Variants in PXN observed in about 807,000 individuals in gnomAD.
PXN encodes paxillin.
PXN carries 61 observed loss-of-function variants against 103.6 expected under a neutral mutation model. The observed-to-expected ratio is 0.59, with a 90% CI of 0.48 to 0.73. The LOEUF (loss-of-function observed/expected upper bound fraction) is 0.73, where lower values mean the gene tolerates loss of function less well. PXN is among the 30% of genes least tolerant of loss of function. The pLI, the probability that PXN is intolerant of heterozygous loss-of-function variation, is 0.00. For missense variants in PXN, 1,274 were observed against 1,460.3 expected, an observed-to-expected ratio of 0.87 and a Z score of 2.08; for synonymous variants, 562 against 607.8, an observed-to-expected ratio of 0.92 and a Z score of 1.11.
At chr12:120,260,270 G>A (rs866007168) in intron 1 of PXN, among the ~76,000 whole-genome samples, 2 of 152,224 alleles carry the variant, frequency 1.3e-5, no homozygotes, top group African/African-American at 4.8e-5. Context: ...AACACTTTGG[G>A]AGGCCGAGGC....
chr12:120,230,951 A>G (rs986664639), intron 1 of PXN, among the ~76,000 whole-genome samples: 1 of 152,204 alleles, frequency 6.6e-6, no homozygotes, highest in African/African-American at 2.4e-5. Flanking sequence ...TAAGCTCCAG[A>G]GAGCAGGGGC....
At chr12:120,255,734 A>C (rs1243400760) in intron 1 of PXN, among the ~76,000 whole-genome samples, 2 of 151,934 alleles carry the variant, frequency 1.3e-5, no homozygotes, top group Non-Finnish European at 2.9e-5. Flanking sequence ...TAAAATAAAA[A>C]GGAGCAAAGT....
Position 120,212,064 on chromosome 12 carries a change from C to T in PXN, c.*250G>A. 1 of 723,972 alleles carries T rather than the reference C, an allele frequency of 1.4e-6. No individual in the cohort carries two copies. 44.8% of individuals were successfully genotyped at this position (723,972 alleles called of 1,614,324 possible). A position where few individuals can be genotyped will look rare whatever the true frequency, so the allele number is the denominator to read the frequency against. On this transcript the variant is annotated 3_prime_UTR_variant, in exon 15 of 15. Coordinates refer to ENST00000637617, the MANE Select transcript of PXN (RefSeq NM_001385981.1). The surrounding 1 kb of genome is among the most constrained non-coding windows in gnomAD (Gnocchi z 7.2). ...GCTGGGGTGGAGCCCCCAGCCTCTACCCCTGGGGAGGATGGAGAGTGGGCA... is the reference window on the plus strand; with the variant it reads ...GCTGGGGTGGAGCCCCCAGCCTCTATCCCTGGGGAGGATGGAGAGTGGGCA...
chr12:120,214,853 C>T lies in PXN; in HGVS notation c.2720G>A (p.Cys907Tyr). 6.2e-7 allele frequency: 1 copy of T among 1,613,996 alleles called. No individual in the cohort carries two copies. Reference sequence around the variant, plus strand: ...CAGGATGGGGCCGTTGCAGTAGTAGCAGCGCGGGGAGAAGAGGTTGTGGTA... The same window carrying T: ...CAGGATGGGGCCGTTGCAGTAGTAGTAGCGCGGGGAGAAGAGGTTGTGGTA... Reference protein sequence around the residue: ...KDYHNLFSPRCYYCNGPILDK... With the variant: ...KDYHNLFSPRYYYCNGPILDK... The change falls in exon 12 of 15, where the codon TGC (cysteine) becomes TAC (tyrosine). Residue 907 changes from cysteine (C) to tyrosine (Y), a missense_variant. Cys to Tyr is a radical substitution (Grantham distance 194). Around this residue, in one of 2 missense-constraint regions of PXN, gnomAD observed 1,178 missense variants for 1,309.0 expected, o/e 0.90. Transcript: ENST00000637617. The surrounding 1 kb of genome is among the most constrained non-coding windows in gnomAD (Gnocchi z 5.0).
Position 120,212,785 on chromosome 12 carries a change from A to G in PXN, c.2980-205T>C, listed in dbSNP as rs1880705778. ...TTTTTGTAGAGATGGGGGTCTCACTATATTGCCCATGCTGGTCAAATGTGG... is the reference window on the plus strand; with the variant it reads ...TTTTTGTAGAGATGGGGGTCTCACTGTATTGCCCATGCTGGTCAAATGTGG... On this transcript the variant is annotated intron_variant, in intron 14 of 14. Transcript: ENST00000637617. The surrounding 1 kb of genome is among the most constrained non-coding windows in gnomAD (Gnocchi z 7.2). The G allele has an allele frequency of 3.8e-6, 2 of 523,536 alleles. No individual in the cohort carries two copies. The highest frequency in any genetic ancestry group is 3.7e-5 in the Admixed American group (1 of 27,022). The allele number at this position is 523,536 out of a possible 1,614,324, so 32.4% of individuals were successfully genotyped here. A position where few individuals can be genotyped will look rare whatever the true frequency, so the allele number is the denominator to read the frequency against.
rs1566386440 is a variant in PXN at position 120,222,855 on chromosome 12, GGTCC to G, written c.493+4_493+7del. On this transcript the variant is annotated splice_donor_5th_base_variant and intron_variant, in intron 4 of 14. Transcript: ENST00000637617. This position sits in a 1 kb window ranked among gnomAD's most constrained non-coding sequence, Gnocchi z 4.7. ...CTGGTAGACCCTGCCCCAGGGACCC[GGTCC>G]TACCTGCAGGGAAGCCTGGCGGGTT... The G allele has an allele frequency of 1.9e-6, 3 of 1,613,062 alleles. No homozygotes were observed. The highest frequency in any genetic ancestry group is 2.5e-6 in the Non-Finnish European group (3 of 1,179,518).
At chr12:120,223,034 T>C in intron 3 of PXN, 35 bp from the exon 4 acceptor site, 1 of 1,613,764 alleles carries the variant, frequency 6.2e-7, no homozygotes, top group Non-Finnish European at 8.5e-7. Context: ...TAGTGAGAGA[T>C]GCTTTCTGGC....
rs745418839 is a variant in PXN, at chr12:120,222,791, C to T, written c.494-41G>A. The T allele has an allele frequency of 1.3e-5, 20 of 1,599,652 alleles. No homozygotes were observed. In the South Asian group the frequency reaches 2.2e-4, roughly 18 times the overall value. ...GAAAAAGGCTGCTCAGCCCTTGAGCCCTCCTGGGATCTAGAGGTCAGCAGA... is the reference window on the plus strand; with the variant it reads ...GAAAAAGGCTGCTCAGCCCTTGAGCTCTCCTGGGATCTAGAGGTCAGCAGA... On this transcript the variant is annotated intron_variant, in intron 4 of 14. Coordinates refer to ENST00000637617, the MANE Select transcript of PXN (RefSeq NM_001385981.1). This position sits in a 1 kb window ranked among gnomAD's most constrained non-coding sequence, Gnocchi z 4.7.
rs1002659318 is a variant in PXN at position 120,221,571 on chromosome 12, A to G, written c.831+52T>C. On this transcript the variant is annotated intron_variant, in intron 6 of 14. Coordinates refer to ENST00000637617, the MANE Select transcript of PXN (RefSeq NM_001385981.1). This position sits in a 1 kb window ranked among gnomAD's most constrained non-coding sequence, Gnocchi z 6.6. ...TACCCACACTGAGGTAAGGGAGGAG[A>G]AGGATGAGGGAGGGGCGGCAGGGCA... The G allele has an allele frequency of 7.9e-6, 12 of 1,520,300 alleles. No homozygotes were observed. The African/African-American group carries it at 1.4e-4, about 17-fold the overall frequency. 94.2% of individuals were successfully genotyped at this position (1,520,300 alleles called of 1,614,324 possible). A position where few individuals can be genotyped will look rare whatever the true frequency, so the allele number is the denominator to read the frequency against.
chr12:120,216,475 C>A lies in PXN; in HGVS notation c.2099G>T (p.Ser700Ile). 1 of 1,385,878 alleles carries A rather than the reference C, an allele frequency of 7.2e-7. No homozygotes were observed. Among genetic ancestry groups the A allele is most frequent in the South Asian group, 1.7e-5 (1 of 59,046 alleles). 85.8% of individuals were successfully genotyped at this position (1,385,878 alleles called of 1,614,324 possible). The change falls in exon 9 of 15, where the codon AGC becomes ATC. Residue 700 changes from serine (S) to isoleucine (I), a missense_variant. Ser to Ile is a moderately radical substitution (Grantham distance 142, BLOSUM62 -2). Transcript: ENST00000637617. This position sits in a 1 kb window ranked among gnomAD's most constrained non-coding sequence, Gnocchi z 5.1. ...GAGCAGGCTGGGCAGGGGAGAAGAGCTGCTGGCCGCGGCGTCTGTGCGATG... is the reference window on the plus strand; with the variant it reads ...GAGCAGGCTGGGCAGGGGAGAAGAGATGCTGGCCGCGGCGTCTGTGCGATG... The part of the protein sequence containing the change: ...LQHRTDAAAS[S>I]SSPLPSLLAS...
intron 1 of PXN, among the ~76,000 whole-genome samples, chr12:120,239,475 G>A (rs752647684): frequency 2.0e-5 from 3 of 151,972 alleles, no homozygotes; most frequent in Admixed American, 1.3e-4. Flanking sequence ...CCAGCTACTC[G>A]GGAGGCTGAG....
At chr12:120,242,004 A>C (rs990136000) in intron 1 of PXN, among the ~76,000 whole-genome samples, 1 of 152,146 alleles carries the variant, frequency 6.6e-6, no homozygotes, top group East Asian at 1.9e-4. Context: ...GATGCCTCCC[A>C]TGTTTGTTTC....
At position 120,217,076 on chromosome 12, in the gene PXN, G is replaced by A. The variant is rs1057081301; in HGVS notation, c.1757C>T (p.Ala586Val). The part of the protein sequence containing the change: ...VIRRSWESGH[A>V]HPMSREPSPR... ...GGAGGGCTCCCGGGACATGGGGTGT[G>A]CGTGGCCAGACTCCCAGCTCCTCCT... Residue 586 changes from alanine to valine, a missense_variant, in exon 8 of 15, where the codon GCA becomes GTA. By Grantham distance (64) the Ala-to-Val change is moderately conservative. This residue lies in a region of PXN where 1,178 missense variants were observed against 1,309.0 expected (regional missense o/e 0.90). Transcript: ENST00000637617. This position sits in a 1 kb window ranked among gnomAD's most constrained non-coding sequence, Gnocchi z 4.1. 5.0e-6 allele frequency: 8 copies of A among 1,591,730 alleles called. No homozygotes were observed. The highest frequency in any genetic ancestry group is 6.8e-6 in the Non-Finnish European group (8 of 1,177,416).
Position 120,213,993 on chromosome 12 carries a change from G to A in PXN, c.2831-3C>T. 2 of 1,611,370 alleles carry A rather than the reference G, an allele frequency of 1.2e-6. No homozygotes were observed. Among genetic ancestry groups the A allele is most frequent in the Non-Finnish European group, 1.7e-6 (2 of 1,179,084 alleles). On this transcript the variant is annotated splice_region_variant and splice_polypyrimidine_tract_variant and intron_variant, in intron 13 of 14. Coordinates refer to ENST00000637617, the MANE Select transcript of PXN (RefSeq NM_001385981.1). The surrounding 1 kb of genome is among the most constrained non-coding windows in gnomAD (Gnocchi z 4.2). ...CTTGCCGTCCTTCTCGTGGAACCCT[G>A]GGGAGCGGGGGTTTTGGAGGCACAG...
chr12:120,231,500 T>TG (rs137951330), intron 1 of PXN, among the ~76,000 whole-genome samples: 2 of 152,092 alleles, frequency 1.3e-5, no homozygotes, highest in African/African-American at 2.4e-5. Context: ...AAGTGTGGGC[T>TG]GGGGGGTGAC....
Position 120,222,680 on chromosome 12 carries a change from G to T in PXN, c.564C>A (p.Ser188Arg), listed in dbSNP as rs61748078. Residue 188 changes from serine (S) to arginine (R), a missense_variant, in exon 5 of 15, where the codon AGC becomes AGA. By Grantham distance (110) the Ser-to-Arg change is moderately radical. This residue lies in a region of PXN where 1,178 missense variants were observed against 1,309.0 expected (regional missense o/e 0.90). Transcript: ENST00000637617. The surrounding 1 kb of genome is among the most constrained non-coding windows in gnomAD (Gnocchi z 4.7). ...SPLYGVPETN[S>R]PLGGKAGPLT... ...GGGGCCCAGCTTTGCCTCCCAAGGG[G>T]CTGTTAGTCTCTGGGACACCATAGA... 494 of 1,609,260 alleles carry T rather than the reference G, an allele frequency of 3.1e-4. 1 individual carries two copies. Among genetic ancestry groups the T allele is most frequent in the South Asian group, 2.3e-3 (209 of 89,962 alleles).
chr12:120,216,013 C>G lies in PXN; in HGVS notation c.2301+260G>C, dbSNP rs753934574. 7.4e-7 allele frequency: 1 copy of G among 1,348,736 alleles called. No individual in the cohort carries two copies. The highest frequency in any genetic ancestry group is 9.5e-7 in the Non-Finnish European group (1 of 1,051,718). The allele number at this position is 1,348,736 out of a possible 1,614,324, so 83.5% of individuals were successfully genotyped here. Reference sequence around the variant, plus strand: ...GTGGCTTCTTTCCTCGATGGGAGCCCGGGGCAGTACTGAGGACCAGTCGAG... The same window carrying G: ...GTGGCTTCTTTCCTCGATGGGAGCCGGGGGCAGTACTGAGGACCAGTCGAG... On this transcript the variant is annotated intron_variant, in intron 9 of 14. Transcript: ENST00000637617. The surrounding 1 kb of genome is among the most constrained non-coding windows in gnomAD (Gnocchi z 5.1).
At position 120,222,617 on chromosome 12, in the gene PXN, G is replaced by A. The variant is rs1412560886; in HGVS notation, c.627C>T (p.Gly209=). The A allele has an allele frequency of 6.2e-7, 1 of 1,609,626 alleles. No individual in the cohort carries two copies. The highest frequency in any genetic ancestry group is 8.5e-7 in the Non-Finnish European group (1 of 1,178,276). Reference sequence around the variant, plus strand: ...CCACACTGGGCCGCACGTCCTCCAGGCCCCGGCCCCCATTCCGCTTAGGCT... The same window carrying A: ...CCACACTGGGCCGCACGTCCTCCAGACCCCGGCCCCCATTCCGCTTAGGCT... ...KEKPKRNGGR[G]LEDVRPSVES... The change falls in exon 5 of 15, where the codon GGC becomes GGT. Residue 209 remains glycine (G), a synonymous_variant. Coordinates refer to ENST00000637617, the MANE Select transcript of PXN (RefSeq NM_001385981.1). The surrounding 1 kb of genome is among the most constrained non-coding windows in gnomAD (Gnocchi z 4.7).
In PXN at chr12:120,219,174, C is replaced by T; in HGVS notation, c.1716+33G>A. 2.0e-6 allele frequency: 3 copies of T among 1,517,728 alleles called. No homozygotes were observed. Among genetic ancestry groups the T allele is most frequent in the Non-Finnish European group, 2.6e-6 (3 of 1,136,396 alleles). 94.0% of individuals were successfully genotyped at this position (1,517,728 alleles called of 1,614,324 possible). A position where few individuals can be genotyped will look rare whatever the true frequency, so the allele number is the denominator to read the frequency against. ...GGCCCACACTCAGACCCGCCAATGG[C>T]CATGCCCAGCAGCCATGCGAGCTGG... On this transcript the variant is annotated intron_variant, in intron 7 of 14. Coordinates refer to ENST00000637617, the MANE Select transcript of PXN (RefSeq NM_001385981.1). The surrounding 1 kb of genome is among the most constrained non-coding windows in gnomAD (Gnocchi z 6.5).
Sources: gnomAD v4.1 joint callset for allele counts (sites outside exome capture counted in the v4.1 genomes callset) on GRCh38, gnomAD v4.1.1 for gene constraint, gnomAD v4.1.1 regional missense constraint, Gnocchi (gnomAD v3.1) non-coding constraint, MANE v1.5 for transcripts, NCBI Gene and HGNC (gene_info 2026-07-23, HGNC 2026-07-21) for gene names.